The following PAFAH1B1 variants were observed in gnomAD, a reference collection of about 807,000 sequenced individuals.
The protein encoded by PAFAH1B1 is platelet activating factor acetylhydrolase 1b regulatory subunit 1, also known as platelet-activating factor acetylhydrolase IB subunit beta.
A neutral mutation model predicts 57.5 loss-of-function variants in PAFAH1B1; 2 were observed. The ratio of observed to expected loss-of-function variants is 0.03; its 90% CI spans 0.01 to 0.11. The LOEUF is 0.11. Among genes scored for constraint, PAFAH1B1 ranks in the 10% least tolerant of loss-of-function variants. PAFAH1B1 has a pLI of 1.00. For missense variants in PAFAH1B1, 257 were observed against 512.0 expected, an observed-to-expected ratio of 0.50 and a Z score of 4.81; for synonymous variants, 152 against 169.6, an observed-to-expected ratio of 0.90 and a Z score of 0.81.
chr17:2,622,941 A>G (rs2068443151), intron 1 of PAFAH1B1, among the ~76,000 whole-genome samples: 1 of 152,228 alleles, frequency 6.6e-6, no homozygotes, highest in Non-Finnish European at 1.5e-5. Flanking sequence ...GAAGCTGCCA[A>G]GGCTTGGGGC....
chr17:2,598,247 C>G (rs1163684279), intron 1 of PAFAH1B1, among the ~76,000 whole-genome samples: 2 of 151,950 alleles, frequency 1.3e-5, no homozygotes, highest in African/African-American at 2.4e-5. Context: ...GAAACTCCAT[C>G]TCAAAAAATA....
chr17:2,639,015 T>G (rs2068660698), intron 2 of PAFAH1B1, among the ~76,000 whole-genome samples: 1 of 152,146 alleles, frequency 6.6e-6, no homozygotes. Context: ...TTCTTCTGCC[T>G]CAACCTCCCG....
At chr17:2,665,260 GAA>G in intron 2 of PAFAH1B1, 110 bp from the exon 3 acceptor site, 1 of 710,302 alleles carries the variant, frequency 1.4e-6, no homozygotes, top group Non-Finnish European at 2.5e-6. Flanking sequence ...ATTTGAAAGG[GAA>G]TACTCTTGAA....
intron 1 of PAFAH1B1, among the ~76,000 whole-genome samples, chr17:2,608,308 A>G (rs1466036445): frequency 2.0e-5 from 3 of 151,674 alleles, no homozygotes; most frequent in Admixed American, 1.3e-4. Context: ...CTGGTCTCGA[A>G]CTCCTGACCT....
At chr17:2,653,070 T>C (rs1229374093) in intron 2 of PAFAH1B1, among the ~76,000 whole-genome samples, 1 of 152,120 alleles carries the variant, frequency 6.6e-6, no homozygotes, top group Non-Finnish European at 1.5e-5. Context: ...TACATATACA[T>C]CGTGGAATAC....
chr17:2,637,713 A>T (rs2068641979), intron 1 of PAFAH1B1, among the ~76,000 whole-genome samples: 1 of 152,230 alleles, frequency 6.6e-6, no homozygotes, highest in Non-Finnish European at 1.5e-5. Context: ...TGTGCAGTTC[A>T]TGAAACCCTT....
intron 1 of PAFAH1B1, among the ~76,000 whole-genome samples, chr17:2,614,830 C>T (rs2068317659): frequency 6.6e-6 from 1 of 152,230 alleles, no homozygotes. Context: ...TCAAGCAATC[C>T]TCCCACCTCA....
intron 2 of PAFAH1B1, among the ~76,000 whole-genome samples, chr17:2,661,636 CCTGG>C (rs1286074736): frequency 6.6e-6 from 1 of 152,074 alleles, no homozygotes; most frequent in African/African-American, 2.4e-5. Context: ...TTAGGATTGT[CCTGG>C]CTATTAGTGT....
At chr17:2,608,302 T>C (rs1448888569) in intron 1 of PAFAH1B1, among the ~76,000 whole-genome samples, 1 of 152,140 alleles carries the variant, frequency 6.6e-6, no homozygotes, top group East Asian at 1.9e-4. Context: ...GCCAGGCTGG[T>C]CTCGAACTCC....
At chr17:2,597,124 A>G (rs2068091693) in intron 1 of PAFAH1B1, among the ~76,000 whole-genome samples, 1 of 152,168 alleles carries the variant, frequency 6.6e-6, no homozygotes, top group Non-Finnish European at 1.5e-5. Context: ...GTTAATCAGG[A>G]GCTTAAGATA....
Position 2,681,929 on chromosome 17 carries a change from G to T in PAFAH1B1, c.*127G>T. 1.4e-6 allele frequency: 1 copy of T among 694,000 alleles called. No homozygotes were observed. The allele number at this position is 694,000 out of a possible 1,614,324, so 43.0% of individuals were successfully genotyped here. ...ATGTAAATTATTCTGGATGTAGATT[G>T]AGCTTATTAAATGTTACACACAAAG... On this transcript the variant is annotated 3_prime_UTR_variant, in exon 11 of 11. Transcript: ENST00000397195.
chr17:2,632,500 T>C (rs1264533641), intron 1 of PAFAH1B1, among the ~76,000 whole-genome samples: 2 of 152,224 alleles, frequency 1.3e-5, no homozygotes, highest in Non-Finnish European at 2.9e-5. Context: ...AACTGGGTCA[T>C]TTGTTTTATA....
In PAFAH1B1 at chr17:2,635,919, G is replaced by T. The variant is rs2068616867; in HGVS notation, c.-190-2180G>T. Among the ~76,000 whole-genome samples the T allele has an allele frequency of 2.0e-5, 3 of 147,784 alleles. No homozygotes were observed. In the Admixed American group the frequency reaches 2.1e-4, roughly 10 times the overall value. On this transcript the variant is annotated intron_variant, in intron 1 of 10. Transcript: ENST00000397195. ...AATTTGAGACCAGCCTGGGCAACGT[G>T]GCAAAACCCTGTCTCTACAAAAATA...
chr17:2,642,881 T>C (rs758821150), intron 2 of PAFAH1B1, among the ~76,000 whole-genome samples: 33 of 152,230 alleles, frequency 2.2e-4, no homozygotes, highest in Non-Finnish European at 4.3e-4. Context: ...CTATCTTTAA[T>C]TTTTTTAATA....
intron 2 of PAFAH1B1, chr17:2,662,111 G>A (rs1181932082): frequency 6.6e-6 from 1 of 151,478 alleles, no homozygotes; most frequent in Admixed American, 6.6e-5. Flanking sequence ...TATTACAGCT[G>A]CAGAAATTAC....
chr17:2,594,501 C>G (rs1342569806), intron 1 of PAFAH1B1, among the ~76,000 whole-genome samples: 1 of 152,174 alleles, frequency 6.6e-6, no homozygotes, highest in African/African-American at 2.4e-5. Context: ...GGGACCGGCT[C>G]AGCCCCGCGC....
chr17:2,610,216 C>T (rs970392659), intron 1 of PAFAH1B1, among the ~76,000 whole-genome samples: 2 of 152,196 alleles, frequency 1.3e-5, no homozygotes, highest in Non-Finnish European at 2.9e-5. Context: ...GCAAGTTGGT[C>T]TCTGTATTTG....
intron 2 of PAFAH1B1, among the ~76,000 whole-genome samples, chr17:2,653,037 T>C (rs2068885825): frequency 6.6e-6 from 1 of 152,086 alleles, no homozygotes; most frequent in Non-Finnish European, 1.5e-5. Flanking sequence ...CCAACAACGA[T>C]AGACTGGATT....
intron 1 of PAFAH1B1, among the ~76,000 whole-genome samples, chr17:2,637,835 C>A (rs1567540246): frequency 1.3e-5 from 2 of 152,120 alleles, no homozygotes; most frequent in Non-Finnish European, 2.9e-5. Context: ...TCAAATGTAT[C>A]TGGCAGGTTA....
Sources: allele counts gnomAD v4.1 joint callset (sites outside exome capture counted in the v4.1 genomes callset), GRCh38; gene constraint gnomAD v4.1.1; transcripts MANE v1.5; gene names NCBI Gene and HGNC (gene_info 2026-07-23, HGNC 2026-07-21).